Variants in TMPRSS13 observed in about 807,000 individuals in gnomAD.
The protein encoded by TMPRSS13 is transmembrane protease serine 13.
Under a neutral mutation model 68.4 loss-of-function variants are expected in TMPRSS13, and 50 were observed. The observed-to-expected ratio is 0.73, with a 90% CI of 0.58 to 0.93. TMPRSS13 has a LOEUF of 0.93. Among genes scored for constraint, TMPRSS13 ranks in the 40% least tolerant of loss-of-function variants. The pLI is 0.00. For missense variants in TMPRSS13, 615 were observed against 729.2 expected (o/e 0.84, Z 1.80); for synonymous variants, 267 against 285.8 (o/e 0.93, Z 0.66).
intron 8 of TMPRSS13, among the ~76,000 whole-genome samples, chr11:117,909,520 C>T (rs2057498352): frequency 6.6e-6 from 1 of 152,246 alleles, no homozygotes; most frequent in Admixed American, 6.5e-5. Context: ...TTTCATTTCA[C>T]CCTGTTCTTC....
At chr11:117,925,738 C>A (rs1383914641) in intron 1 of TMPRSS13, among the ~76,000 whole-genome samples, 1 of 152,250 alleles carries the variant, frequency 6.6e-6, no homozygotes, top group Admixed American at 6.5e-5. Flanking sequence ...CAGGCACATC[C>A]ACCCTTGTTG....
In TMPRSS13 at chr11:117,914,326, T is replaced by G; in HGVS notation, c.679+66A>C. On this transcript the variant is annotated intron_variant, in intron 4 of 12. Coordinates refer to ENST00000524993, the MANE Select transcript of TMPRSS13 (RefSeq NM_001077263.3). The surrounding 1 kb of genome is among the most constrained non-coding windows in gnomAD (Gnocchi z 4.2). The stretch of plus-strand genomic sequence containing the variant: ...ACAGGCATGCATACACACACACATA[T>G]ACAAACAGGCACACAAACACATGCA... 1.3e-6 allele frequency: 2 copies of G among 1,596,822 alleles called. No individual in the cohort carries two copies. Among genetic ancestry groups the G allele is most frequent in the Non-Finnish European group, 8.5e-7 (1 of 1,173,932 alleles).
Position 117,913,932 on chromosome 11 carries a change from A to G in TMPRSS13, c.680-26T>C. 2.5e-6 allele frequency: 4 copies of G among 1,610,838 alleles called. No homozygotes were observed. In the South Asian group the frequency reaches 4.4e-5, roughly 18 times the overall value. On this transcript the variant is annotated intron_variant, in intron 4 of 12. Coordinates refer to ENST00000524993, the MANE Select transcript of TMPRSS13 (RefSeq NM_001077263.3). Reference sequence around the variant, plus strand: ...CTGCAGGGCAAGAAAAAGGCAGAGCAGGTCCTCAGCACCTAGGAAGCATCA... The same window carrying G: ...CTGCAGGGCAAGAAAAAGGCAGAGCGGGTCCTCAGCACCTAGGAAGCATCA...
At chr11:117,909,750 TC>T in intron 8 of TMPRSS13, 55 bp downstream of exon 8, 1 of 1,565,638 alleles carries the variant, frequency 6.4e-7, no homozygotes, top group Admixed American at 1.7e-5. Context: ...AGCCAGCCCT[TC>T]CTGGTGGTTC....
rs1251964209 is a variant in TMPRSS13, at chr11:117,913,818, G to A, written c.768C>T (p.Asp256=). 1 of 1,614,162 alleles carries A rather than the reference G, an allele frequency of 6.2e-7. No individual in the cohort carries two copies. Among genetic ancestry groups the A allele is most frequent in the Non-Finnish European group, 8.5e-7 (1 of 1,180,036 alleles). ...GCTGGCAGGTCTTCTCTGAGTAGGAGTCATTCCAGTTGCTGCTACAGATGG... is the reference window on the plus strand; with the variant it reads ...GCTGGCAGGTCTTCTCTGAGTAGGAATCATTCCAGTTGCTGCTACAGATGG... ...WLPICSSNWN[D]SYSEKTCQQL... is the part of the protein sequence containing the mutation. The change falls in exon 5 of 13, where the codon GAC becomes GAT. Residue 256 remains aspartate, a synonymous_variant. Transcript: ENST00000524993.
intron 5 of TMPRSS13, 90 bp from the exon 6 acceptor site, chr11:117,911,950 C>G (rs926329451): frequency 3.0e-6 from 3 of 1,013,620 alleles, no homozygotes; most frequent in Non-Finnish European, 4.5e-6. Flanking sequence ...CCAGCCCTGC[C>G]GACAGAGGCC....
intron 1 of TMPRSS13, among the ~76,000 whole-genome samples, chr11:117,926,323 T>G (rs2057706880): frequency 6.6e-6 from 1 of 151,886 alleles, no homozygotes. Context: ...GTCCTTGGGG[T>G]GCCTGGGGCT....
chr11:117,903,692 A>T lies in TMPRSS13; in HGVS notation c.1640T>A (p.Val547Glu). 2.5e-6 allele frequency: 4 copies of T among 1,614,138 alleles called. No individual in the cohort carries two copies. The highest frequency in any genetic ancestry group is 3.4e-6 in the Non-Finnish European group (4 of 1,180,008). ...GTAAATCCAGGGAAGAACTTCTGTCACTTTGGTGTACACACCAGGTTTGTT... is the reference window on the plus strand; with the variant it reads ...GTAAATCCAGGGAAGAACTTCTGTCTCTTTGGTGTACACACCAGGTTTGTT... ...QRNKPGVYTK[V>E]TEVLPWIYSK... The change falls in exon 12 of 13, where the codon GTG becomes GAG. Residue 547 changes from valine to glutamate, a missense_variant. Val to Glu is a moderately radical substitution (Grantham distance 121, BLOSUM62 -2). Transcript: ENST00000524993.
rs190994759 is a variant in TMPRSS13, at chr11:117,902,263, G to C, written c.1680C>G (p.Ser560Arg). ...GTTAGGATTTTCTGAATCGCACCTCGCTCTGAGGAAGAGAATGGGAGAAGA... is the reference window on the plus strand; with the variant it reads ...GTTAGGATTTTCTGAATCGCACCTCCCTCTGAGGAAGAGAATGGGAGAAGA... ...VLPWIYSKME[S>R]EVRFRKS The change falls in exon 13 of 13, where the codon AGC becomes AGG. Residue 560 changes from serine to arginine, a missense_variant and splice_region_variant. Ser to Arg is a moderately radical substitution (Grantham distance 110). Coordinates refer to ENST00000524993, the MANE Select transcript of TMPRSS13 (RefSeq NM_001077263.3). 20 of 1,613,476 alleles carry C rather than the reference G, an allele frequency of 1.2e-5. No individual in the cohort carries two copies. Among genetic ancestry groups the C allele is most frequent in the Non-Finnish European group, 1.7e-5 (20 of 1,179,872 alleles).
intron 1 of TMPRSS13, among the ~76,000 whole-genome samples, chr11:117,927,415 A>G (rs545795228): frequency 8.5e-5 from 13 of 152,326 alleles, no homozygotes; most frequent in African/African-American, 3.1e-4. Flanking sequence ...CCCAAAGCTG[A>G]CGGGGAACAT....
intron 12 of TMPRSS13, among the ~76,000 whole-genome samples, chr11:117,902,670 G>A (rs1243868974): frequency 6.6e-6 from 1 of 152,242 alleles, no homozygotes; most frequent in African/African-American, 2.4e-5. Flanking sequence ...AGCGGCCTGT[G>A]TGAACTCACA....
chr11:117,918,959 C>A, intron 1 of TMPRSS13, 121 bp from the exon 2 acceptor site: 1 of 1,372,240 alleles, frequency 7.3e-7, no homozygotes, highest in Non-Finnish European at 9.9e-7. Flanking sequence ...AGCAAAGCCC[C>A]CCGGACAAGG....
rs1202934943 is a variant in TMPRSS13, at chr11:117,917,154, C to G, written c.556+16G>C. 2.5e-6 allele frequency: 4 copies of G among 1,606,392 alleles called. No homozygotes were observed. The East Asian group carries it at 8.9e-5, about 36-fold the overall frequency. Reference sequence around the variant, plus strand: ...CAGTGCCCAGAACCCACCCCTGCACCCTCCATTCAACTCACAGAGGATGAT... The same window carrying G: ...CAGTGCCCAGAACCCACCCCTGCACGCTCCATTCAACTCACAGAGGATGAT... On this transcript the variant is annotated intron_variant, in intron 3 of 12. Transcript: ENST00000524993.
intron 1 of TMPRSS13, among the ~76,000 whole-genome samples, chr11:117,927,975 T>G (rs1423598963): frequency 6.6e-6 from 1 of 152,232 alleles, no homozygotes; most frequent in Non-Finnish European, 1.5e-5. Flanking sequence ...TCCCTGACTC[T>G]GAAGAGATGA....
At chr11:117,907,443 GCT>G (rs1336067630) in intron 9 of TMPRSS13, 5 of 152,212 alleles carry the variant, frequency 3.3e-5, no homozygotes, top group African/African-American at 1.2e-4. Context: ...TGATCTAACT[GCT>G]CTGACTCATG....
rs942155210 is a variant in TMPRSS13 at position 117,904,070 on chromosome 11, C to A, written c.1413G>T (p.Gln471His). 3 of 1,614,084 alleles carry A rather than the reference C, an allele frequency of 1.9e-6. No homozygotes were observed. The highest frequency in any genetic ancestry group is 1.3e-5 in the African/African-American group (1 of 75,034). Reference sequence around the variant, plus strand: ...ATTTCTTGAAGTCGATGAGATTGACCTGCACCTCCCGGAGGAAGGGGGATG... The same window carrying A: ...ATTTCTTGAAGTCGATGAGATTGACATGCACCTCCCGGAGGAAGGGGGATG... ...DKTSPFLREVQVNLIDFKKCN... is the reference protein window; with the variant it reads ...DKTSPFLREVHVNLIDFKKCN... Residue 471 changes from glutamine (Q) to histidine (H), a missense_variant, in exon 11 of 13, where the codon CAG (glutamine) becomes CAT (histidine). By Grantham distance (24) the Gln-to-His change is conservative (BLOSUM62 0). Coordinates refer to ENST00000524993, the MANE Select transcript of TMPRSS13 (RefSeq NM_001077263.3).
At chr11:117,902,748 C>T (rs1268104478) in intron 12 of TMPRSS13, among the ~76,000 whole-genome samples, 1 of 152,252 alleles carries the variant, frequency 6.6e-6, no homozygotes, top group Non-Finnish European at 1.5e-5. Flanking sequence ...ACCTTTTATT[C>T]TTTTCATTTA....
intron 10 of TMPRSS13, 120 bp from the exon 11 acceptor site, chr11:117,904,221 T>C: frequency 1.5e-6 from 2 of 1,366,844 alleles, no homozygotes; most frequent in Non-Finnish European, 2.0e-6. Flanking sequence ...GAATGGAGGG[T>C]GCCATGCCCG....
intron 3 of TMPRSS13, among the ~76,000 whole-genome samples, chr11:117,916,531 T>A (rs1733733014): frequency 1.3e-5 from 2 of 152,254 alleles, no homozygotes; most frequent in Admixed American, 1.3e-4. Flanking sequence ...CAGGACAGAA[T>A]AATGTACATG....
Sources: allele counts gnomAD v4.1 joint callset (sites outside exome capture counted in the v4.1 genomes callset), GRCh38; gene constraint gnomAD v4.1.1; non-coding constraint Gnocchi (gnomAD v3.1); transcripts MANE v1.5; gene names NCBI Gene and HGNC (gene_info 2026-07-23, HGNC 2026-07-21).